SLC37A3: variants seen among roughly 807,000 people sequenced by gnomAD.
SLC37A3 encodes the protein sugar phosphate exchanger 3.
A neutral mutation model predicts 67.1 loss-of-function variants in SLC37A3; 51 were observed. That is an observed-to-expected ratio of 0.76 (90% CI 0.61 to 0.96). SLC37A3 has a LOEUF of 0.96. SLC37A3 is among the 40% of genes least tolerant of loss of function. SLC37A3 has a pLI of 0.00. For missense variants in SLC37A3, 508 were observed against 603.0 expected (o/e 0.84, Z 1.65); for synonymous variants, 214 against 231.4 (o/e 0.92, Z 0.68).
intron 14 of SLC37A3, among the ~76,000 whole-genome samples, chr7:140,336,303 A>C (rs1014753366): frequency 2.6e-5 from 4 of 152,238 alleles, no homozygotes; most frequent in Non-Finnish European, 4.4e-5. Context: ...CCAGGTAATC[A>C]GGAGGCTGAG....
At chr7:140,364,538 A>G (rs1420583732) in intron 4 of SLC37A3, 47 bp from the exon 5 acceptor site, 1 of 1,560,778 alleles carries the variant, frequency 6.4e-7, no homozygotes, top group East Asian at 2.3e-5. Flanking sequence ...ATAACACAGT[A>G]TGAAAAAGTA....
Position 140,337,298 on chromosome 7 carries a change from A to G in SLC37A3, c.1378T>C (p.Phe460Leu). ...DKLGWMWVFY[F>L]FILMTSCTIV... ...CACACACTTACCATGAGAATGAAAA[A>G]GTAGAAAACCCACATCCATCCTAGC... is the stretch of plus-strand genomic sequence containing the variant. The change falls in exon 14 of 15, where the codon TTT (phenylalanine) becomes CTT (leucine). Residue 460 changes from phenylalanine (F) to leucine (L), a missense_variant. Transcript: ENST00000326232. 6.3e-7 allele frequency: 1 copy of G among 1,599,858 alleles called. No individual in the cohort carries two copies. Among genetic ancestry groups the G allele is most frequent in the South Asian group, 1.1e-5 (1 of 88,022 alleles).
In SLC37A3 at chr7:140,335,789, C is replaced by T. The variant is rs777711040; in HGVS notation, c.1393-285G>A. ...AGAGGCTCAGATGAACAACAGTGAT[C>T]CTTATAATAGATAAAAGTTTTCTTT... On this transcript the variant is annotated intron_variant, in intron 14 of 14. Coordinates refer to ENST00000326232, the MANE Select transcript of SLC37A3 (RefSeq NM_207113.3). 5.9e-5 allele frequency among the ~76,000 whole-genome samples: 9 copies of T among 152,282 alleles called. No individual in the cohort carries two copies. The East Asian group carries it at 1.7e-3, about 29-fold the overall frequency.
At chr7:140,397,103 G>A (rs2130014690) in intron 1 of SLC37A3, among the ~76,000 whole-genome samples, 1 of 147,852 alleles carries the variant, frequency 6.8e-6, no homozygotes, top group South Asian at 2.1e-4. Flanking sequence ...GGGAGGCTGA[G>A]GCAGGAGAAT....
At chr7:140,396,087 T>C (rs1193931203) in intron 1 of SLC37A3, among the ~76,000 whole-genome samples, 1 of 151,930 alleles carries the variant, frequency 6.6e-6, no homozygotes, top group Non-Finnish European at 1.5e-5. Context: ...GTGATCATAG[T>C]TCACTGCAGC....
intron 13 of SLC37A3, among the ~76,000 whole-genome samples, chr7:140,340,130 T>G (rs1169287873): frequency 6.6e-6 from 1 of 152,234 alleles, no homozygotes; most frequent in Non-Finnish European, 1.5e-5. Context: ...CTAAGGATGC[T>G]GAGACTCTTC....
intron 10 of SLC37A3, chr7:140,348,377 A>T: frequency 3.0e-6 from 1 of 338,658 alleles, no homozygotes; most frequent in Admixed American, 5.0e-5. Context: ...AAGGACTAAG[A>T]AAAAAGAGTC....
intron 9 of SLC37A3, among the ~76,000 whole-genome samples, chr7:140,350,895 T>C (rs1796767086): frequency 1.3e-5 from 2 of 152,184 alleles, no homozygotes; most frequent in Middle Eastern, 3.2e-3. Flanking sequence ...TTAAAAATTA[T>C]CAATTTTGCC....
rs1341431350 is a variant in SLC37A3, at chr7:140,334,726, A to T, written c.*686T>A. On this transcript the variant is annotated 3_prime_UTR_variant, in exon 15 of 15. Transcript: ENST00000326232. Reference sequence around the variant, plus strand: ...CTCAATACTTCCAGGAGTCAAAGTTAATTTGAATGAAAATGGAAGAGAACA... The same window carrying T: ...CTCAATACTTCCAGGAGTCAAAGTTTATTTGAATGAAAATGGAAGAGAACA... 1.3e-5 allele frequency: 2 copies of T among 158,914 alleles called. No homozygotes were observed. Among genetic ancestry groups the T allele is most frequent in the East Asian group, 3.7e-4 (2 of 5,472 alleles). The allele number at this position is 158,914 out of a possible 1,614,324, so 9.8% of individuals were successfully genotyped here.
rs111730689 is a variant in SLC37A3 at position 140,337,117 on chromosome 7, A to G, written c.1392+167T>C. Among the ~76,000 whole-genome samples, 108 of 145,364 alleles carry G rather than the reference A, an allele frequency of 7.4e-4. No homozygotes were observed. The East Asian group carries it at 0.014, about 19-fold the overall frequency. On this transcript the variant is annotated intron_variant, in intron 14 of 14. Coordinates refer to ENST00000326232, the MANE Select transcript of SLC37A3 (RefSeq NM_207113.3). ...CTGCCTCAAAAAAAAAAAAAAAAAAAAAGAAGAAGAAGAAGAAGAAGATGT... is the reference window on the plus strand; with the variant it reads ...CTGCCTCAAAAAAAAAAAAAAAAAAGAAGAAGAAGAAGAAGAAGAAGATGT...
intron 7 of SLC37A3, among the ~76,000 whole-genome samples, chr7:140,354,626 A>T (rs1445169295): frequency 6.6e-6 from 1 of 151,814 alleles, no homozygotes; most frequent in East Asian, 1.9e-4. Flanking sequence ...CCATTCCTAC[A>T]TGCTTTACAT....
At chr7:140,386,106 T>C (rs1478387617) in intron 1 of SLC37A3, among the ~76,000 whole-genome samples, 1 of 151,878 alleles carries the variant, frequency 6.6e-6, no homozygotes, top group African/African-American at 2.4e-5. Flanking sequence ...TATTTATTTA[T>C]TGAGACAAGG....
At chr7:140,378,197 T>C (rs578088821) in intron 3 of SLC37A3, among the ~76,000 whole-genome samples, 1 of 152,332 alleles carries the variant, frequency 6.6e-6, no homozygotes, top group South Asian at 2.1e-4. Context: ...TAGTGCTCAG[T>C]GTCACTAAAC....
chr7:140,381,770 T>C (rs998961570), intron 2 of SLC37A3, among the ~76,000 whole-genome samples: 3 of 152,052 alleles, frequency 2.0e-5, no homozygotes, highest in African/African-American at 7.2e-5. Context: ...AATAAACGCC[T>C]GTAATCCCAG....
chr7:140,340,574 T>TCCA (rs1796321059), intron 13 of SLC37A3, among the ~76,000 whole-genome samples: 1 of 151,762 alleles, frequency 6.6e-6, no homozygotes, highest in Non-Finnish European at 1.5e-5. Context: ...GGTCTCATCA[T>TCCA]CCACTACAGG....
At chr7:140,395,022 G>T (rs1056722388) in intron 1 of SLC37A3, among the ~76,000 whole-genome samples, 14 of 152,008 alleles carry the variant, frequency 9.2e-5, no homozygotes, top group Non-Finnish European at 1.0e-4. Flanking sequence ...GGTTAAAATA[G>T]AAAATACTCC....
chr7:140,362,679 G>A (rs1264149841), intron 5 of SLC37A3, among the ~76,000 whole-genome samples: 1 of 78,370 alleles, frequency 1.3e-5, no homozygotes, highest in African/African-American at 4.6e-5. Context: ...GAGGTGGGGG[G>A]GGGGGTCAGC....
intron 6 of SLC37A3, among the ~76,000 whole-genome samples, chr7:140,356,293 A>T (rs1585287376): frequency 6.6e-6 from 1 of 152,332 alleles, no homozygotes; most frequent in African/African-American, 2.4e-5. Flanking sequence ...AAAAAGCATG[A>T]ATCTACAATC....
chr7:140,335,364 G>A lies in SLC37A3; in HGVS notation c.*48C>T. The A allele has an allele frequency of 1.2e-6, 2 of 1,614,138 alleles. No individual in the cohort carries two copies. The highest frequency in any genetic ancestry group is 1.1e-5 in the South Asian group (1 of 91,074). On this transcript the variant is annotated 3_prime_UTR_variant, in exon 15 of 15. Transcript: ENST00000326232. Reference sequence around the variant, plus strand: ...AAATTAGGGCAGACTCGAAGCCCCAGCGGTCCTGATGTGGCTGACATTGTT... The same window carrying A: ...AAATTAGGGCAGACTCGAAGCCCCAACGGTCCTGATGTGGCTGACATTGTT...
Sources: gnomAD v4.1 joint callset for allele counts (sites outside exome capture counted in the v4.1 genomes callset) on GRCh38, gnomAD v4.1.1 for gene constraint, MANE v1.5 for transcripts, NCBI Gene and HGNC (gene_info 2026-07-23, HGNC 2026-07-21) for gene names.